The following CLDN16 variants were observed in gnomAD, a reference collection of about 807,000 sequenced individuals.
CLDN16 encodes claudin 16.
CLDN16 carries 13 observed loss-of-function variants against 24.6 expected under a neutral mutation model. That is an observed-to-expected ratio of 0.53 (90% confidence interval 0.34 to 0.84). The LOEUF is 0.84. Ranked by LOEUF, CLDN16 falls within the 40% of genes least tolerant of loss-of-function variation. CLDN16 has a pLI of 0.01. For synonymous variants in CLDN16, 116 were observed against 106.7 expected, an observed-to-expected ratio of 1.09 and a Z score of -0.54; for missense variants, 298 against 292.7, an observed-to-expected ratio of 1.02 and a Z score of -0.13.
At chr3:190,374,504 A>C (rs1718208229) in intron 2 of CLDN16, 1 of 151,918 alleles carries the variant, frequency 6.6e-6, no homozygotes, top group Non-Finnish European at 1.5e-5. Flanking sequence ...CCCTTATAAC[A>C]ATCCATTCTT....
At chr3:190,305,203 A>G in the CLDN16 span, among the ~76,000 whole-genome samples, 3 of 152,352 alleles carry the variant, frequency 2.0e-5, no homozygotes, top group East Asian at 1.9e-4. Context: ...CCTGGTCTCA[A>G]TATGAACATT....
chr3:190,294,574 T>C, the CLDN16 span, among the ~76,000 whole-genome samples: 38,348 of 152,026 alleles, frequency 0.25, 5,191 homozygotes, highest in African/African-American at 0.35. Context: ...ACATGTCCTG[T>C]TTAAACAATT....
intron 1 of CLDN16, among the ~76,000 whole-genome samples, chr3:190,363,556 G>A (rs3927831): frequency 0.76 from 64,875 of 85,700 alleles, 23,790 homozygotes; most frequent in East Asian, 0.88. Context: ...GTGTGTGTGT[G>A]TATATATATA....
chr3:190,399,028 T>A (rs1160549021), intron 1 of CLDN16, among the ~76,000 whole-genome samples: 1 of 152,150 alleles, frequency 6.6e-6, no homozygotes, highest in Admixed American at 6.6e-5. Context: ...GATGAGATAA[T>A]CCTCCAGAAA....
chr3:190,330,206 G>A (rs1044107132), intron 1 of CLDN16, among the ~76,000 whole-genome samples: 6 of 152,088 alleles, frequency 3.9e-5, no homozygotes, highest in African/African-American at 1.4e-4. Flanking sequence ...GATTCTAGAG[G>A]CAGAAACTTG....
the CLDN16 span, among the ~76,000 whole-genome samples, chr3:190,314,918 G>T: frequency 1.3e-5 from 2 of 152,050 alleles, no homozygotes; most frequent in Non-Finnish European, 2.9e-5. Flanking sequence ...GGAACTGCTG[G>T]ATCAAAACAC....
upstream of CLDN16, chr3:190,322,195 C>G (rs1032450055): frequency 6.2e-7 from 1 of 1,613,820 alleles, no homozygotes. Flanking sequence ...GCTGCAGCCC[C>G]GCGTTGGCCA....
At chr3:190,403,081 A>C (rs1340800691) in intron 2 of CLDN16, among the ~76,000 whole-genome samples, 1 of 152,160 alleles carries the variant, frequency 6.6e-6, no homozygotes, top group Non-Finnish European at 1.5e-5. Flanking sequence ...TAATCCTAGC[A>C]CTTTGGGAGG....
chr3:190,408,123 A>T (rs537090525), intron 3 of CLDN16, among the ~76,000 whole-genome samples, 191 bp from the exon 4 acceptor site: 72 of 152,340 alleles, frequency 4.7e-4, no homozygotes, highest in African/African-American at 1.7e-3. Context: ...GATAAAATTT[A>T]AAAAAGATAC....
intron 1 of CLDN16, among the ~76,000 whole-genome samples, chr3:190,351,278 A>G (rs1259477794): frequency 1.3e-5 from 2 of 152,164 alleles, no homozygotes; most frequent in Non-Finnish European, 2.9e-5. Flanking sequence ...TTCTTTATGA[A>G]TTACTTAGTC....
chr3:190,297,485 T>C, the CLDN16 span, among the ~76,000 whole-genome samples: 3 of 113,854 alleles, frequency 2.6e-5, no homozygotes, highest in Non-Finnish European at 5.1e-5. Context: ...ATCTATATAT[T>C]ATATATCTAT....
intron 1 of CLDN16, among the ~76,000 whole-genome samples, chr3:190,337,820 A>G (rs4687132): frequency 0.3 from 45,903 of 152,100 alleles, 7,332 homozygotes; most frequent in East Asian, 0.6. Context: ...CTCATACAAT[A>G]TCACTTCAGA....
chr3:190,333,756 ACT>A (rs1419562708), intron 1 of CLDN16, among the ~76,000 whole-genome samples: 1 of 151,832 alleles, frequency 6.6e-6, no homozygotes, highest in East Asian at 1.9e-4. Flanking sequence ...ATGATTTTTC[ACT>A]CTCTATTACA....
At chr3:190,326,473 C>G (rs1365274584) in intron 1 of CLDN16, among the ~76,000 whole-genome samples, 3 of 152,112 alleles carry the variant, frequency 2.0e-5, no homozygotes, top group Admixed American at 6.5e-5. Flanking sequence ...TTCTAGGTCC[C>G]CTCTCCAAGC....
chr3:190,404,746 T>C lies in CLDN16; in HGVS notation c.218-16T>C, dbSNP rs1301998186. On this transcript the variant is annotated splice_polypyrimidine_tract_variant and intron_variant, in intron 2 of 4. Coordinates refer to ENST00000264734, the MANE Select transcript of CLDN16 (RefSeq NM_006580.4). ...TTCTTCTGACTCTGCTTTAACCATA[T>C]GCCCTGGTCTTCCAGTGAAGCTGGT... is the stretch of plus-strand genomic sequence containing the variant. The C allele has an allele frequency of 6.2e-7, 1 of 1,613,954 alleles. No individual in the cohort carries two copies. The highest frequency in any genetic ancestry group is 8.5e-7 in the Non-Finnish European group (1 of 1,179,788).
chr3:190,354,679 A>C (rs983673429), intron 1 of CLDN16, among the ~76,000 whole-genome samples: 11 of 152,030 alleles, frequency 7.2e-5, no homozygotes, highest in African/African-American at 2.7e-4. Context: ...TTTCACAAGA[A>C]GAGATTCAGA....
intron 1 of CLDN16, among the ~76,000 whole-genome samples, chr3:190,322,874 G>C (rs73192410): frequency 0.065 from 9,891 of 151,656 alleles, 430 homozygotes; most frequent in East Asian, 0.14. Flanking sequence ...CCTTTGCTTG[G>C]CTTCCTCCCC....
upstream of CLDN16, chr3:190,322,462 G>A: frequency 1.8e-6 from 1 of 548,558 alleles, no homozygotes; most frequent in East Asian, 3.1e-5. Flanking sequence ...ACCGCTGGGC[G>A]CCGCGATTTA....
intron 1 of CLDN16, among the ~76,000 whole-genome samples, chr3:190,359,897 G>C (rs941868638): frequency 2.6e-5 from 4 of 152,000 alleles, no homozygotes; most frequent in African/African-American, 9.7e-5. Context: ...GAGCTATGAG[G>C]CTCGATGTGA....
Sources: allele counts gnomAD v4.1 joint callset (sites outside exome capture counted in the v4.1 genomes callset), GRCh38; gene constraint gnomAD v4.1.1; transcripts MANE v1.5; gene names NCBI Gene and HGNC (gene_info 2026-07-23, HGNC 2026-07-21).